Variants in HDAC9 observed in about 807,000 individuals in gnomAD.
HDAC9 encodes MEF-2 interacting transcription repressor (MITR) protein.
Under a neutral mutation model 139.4 loss-of-function variants are expected in HDAC9, and 41 were observed. The ratio of observed to expected loss-of-function variants is 0.29; its 90% CI spans 0.23 to 0.38. HDAC9 has a LOEUF of 0.38. Ranked by LOEUF, HDAC9 falls within the 10% of genes least tolerant of loss-of-function variation. The probability of loss-of-function intolerance (pLI) is 1.00; values close to 1 mark genes in which losing one functional copy is unlikely to be tolerated. For synonymous variants in HDAC9, 517 were observed against 476.2 expected, an observed-to-expected ratio of 1.09 and a Z score of -1.12; for missense variants, 1,147 against 1,297.0, an observed-to-expected ratio of 0.88 and a Z score of 1.78.
intron 2 of HDAC9, among the ~76,000 whole-genome samples, chr7:18,252,105 G>C (rs1222250646): frequency 6.6e-6 from 1 of 152,210 alleles, no homozygotes; most frequent in African/African-American, 2.4e-5. Flanking sequence ...AATAAATTAA[G>C]TAGAAGATGA....
chr7:18,310,290 C>T lies in HDAC9; in HGVS notation c.-42+19775C>T, dbSNP rs143647818. ...TTTTATGTTGGGCTCTGTGACTACA[C>T]GGTTTTGAAAAACACTGGGATAGAT... is the stretch of plus-strand genomic sequence containing the variant. On this transcript the variant is annotated intron_variant, in intron 1 of 3. Transcript: ENST00000413509. Among the ~76,000 whole-genome samples the T allele has an allele frequency of 8.5e-4, 129 of 152,230 alleles. 2 individuals carry two copies. The Middle Eastern group carries it at 0.01, about 12-fold the overall frequency.
chr7:18,148,242 G>A (rs1786495912), intron 1 of HDAC9, among the ~76,000 whole-genome samples: 1 of 152,096 alleles, frequency 6.6e-6, no homozygotes, highest in South Asian at 2.1e-4. Flanking sequence ...CTACACTCAC[G>A]GTATCCGCAG....
chr7:18,514,898 G>C (rs1802682388), intron 2 of HDAC9, among the ~76,000 whole-genome samples: 1 of 152,176 alleles, frequency 6.6e-6, no homozygotes, highest in Admixed American at 6.5e-5. Context: ...AGTGAGCTAT[G>C]ATCATGCCGC....
At chr7:18,575,601 A>G (rs117549009) in intron 2 of HDAC9, among the ~76,000 whole-genome samples, 175 of 152,380 alleles carry the variant, frequency 1.1e-3, no homozygotes, top group Admixed American at 2.1e-3. Flanking sequence ...ATGCAAAATG[A>G]CACCTTGGGT....
chr7:18,925,494 A>G (rs1585324259), intron 22 of HDAC9, among the ~76,000 whole-genome samples: 1 of 152,240 alleles, frequency 6.6e-6, no homozygotes, highest in East Asian at 1.9e-4. Flanking sequence ...CCTTGGTCAC[A>G]TAGTAGCTTC....
intron 1 of HDAC9, among the ~76,000 whole-genome samples, chr7:18,365,550 C>G (rs1784114195): frequency 6.6e-6 from 1 of 151,894 alleles, no homozygotes; most frequent in Non-Finnish European, 1.5e-5. Context: ...TCCAATAATC[C>G]TTAGCCTAGG....
At chr7:18,202,779 A>T (rs1490406706) in intron 2 of HDAC9, among the ~76,000 whole-genome samples, 1 of 152,146 alleles carries the variant, frequency 6.6e-6, no homozygotes. Flanking sequence ...GTGGAACCTG[A>T]GAGAGGTCAT....
chr7:18,459,939 A>G (rs1242946335), intron 1 of HDAC9, among the ~76,000 whole-genome samples: 5 of 139,984 alleles, frequency 3.6e-5, no homozygotes, highest in African/African-American at 1.3e-4. Flanking sequence ...TAGCCTACAG[A>G]TTTGCTTTTT....
At chr7:18,123,602 A>G (rs80027295) in intron 1 of HDAC9, among the ~76,000 whole-genome samples, 2,125 of 152,238 alleles carry the variant, frequency 0.014, 43 homozygotes, top group African/African-American at 0.048. Context: ...AGAACTGGGC[A>G]TTTTAAAGTC....
intron 22 of HDAC9, among the ~76,000 whole-genome samples, chr7:18,878,224 G>A (rs554405285): frequency 4.6e-5 from 7 of 151,770 alleles, no homozygotes; most frequent in South Asian, 2.1e-4. Flanking sequence ...GTTTAAATTC[G>A]TTTTGCCACA....
chr7:18,605,351 T>C (rs78873963), intron 6 of HDAC9, among the ~76,000 whole-genome samples: 1 of 152,152 alleles, frequency 6.6e-6, no homozygotes, highest in Admixed American at 6.5e-5. Flanking sequence ...CTTCTTAGCC[T>C]GTTTCCTCCC....
At chr7:18,809,943 C>T (rs917992803) in intron 17 of HDAC9, among the ~76,000 whole-genome samples, 7 of 151,894 alleles carry the variant, frequency 4.6e-5, no homozygotes, top group African/African-American at 1.7e-4. Context: ...GCATTACTCA[C>T]AATAGGCAAG....
At chr7:18,441,577 A>T (rs1173228874) in intron 1 of HDAC9, among the ~76,000 whole-genome samples, 1 of 152,220 alleles carries the variant, frequency 6.6e-6, no homozygotes, top group Non-Finnish European at 1.5e-5. Flanking sequence ...CATAATATAG[A>T]TTGCAAATTG....
intron 12 of HDAC9, among the ~76,000 whole-genome samples, chr7:18,669,480 G>T (rs949207153): frequency 2.0e-5 from 3 of 151,816 alleles, no homozygotes; most frequent in African/African-American, 7.2e-5. Flanking sequence ...CATCAGTATT[G>T]CATTAGAGTA....
chr7:18,290,382 T>G (rs1219207175), upstream of HDAC9: 2 of 441,958 alleles, frequency 4.5e-6, no homozygotes, highest in Non-Finnish European at 9.0e-6. Context: ...CTGATAAAAT[T>G]AGCAAGTTGA....
chr7:18,943,012 CA>C (rs1782125493), intron 23 of HDAC9, among the ~76,000 whole-genome samples: 1 of 151,330 alleles, frequency 6.6e-6, no homozygotes, highest in Non-Finnish European at 1.5e-5. Context: ...ATTAAAAAAG[CA>C]AATAAAGAGA....
At chr7:18,252,305 G>T (rs957917633) in intron 2 of HDAC9, among the ~76,000 whole-genome samples, 1 of 152,196 alleles carries the variant, frequency 6.6e-6, no homozygotes, top group Non-Finnish European at 1.5e-5. Flanking sequence ...CAGGCAGATT[G>T]TCTGAAAGCA....
At chr7:18,104,263 A>T (rs1783053473) in intron 1 of HDAC9, among the ~76,000 whole-genome samples, 1 of 151,816 alleles carries the variant, frequency 6.6e-6, no homozygotes. Context: ...TTTTGTTTAT[A>T]AGACACATTA....
intron 22 of HDAC9, among the ~76,000 whole-genome samples, chr7:18,895,196 C>G (rs369416773): frequency 9.2e-5 from 14 of 152,170 alleles, no homozygotes; most frequent in Admixed American, 4.6e-4. Flanking sequence ...ATAACAATAC[C>G]ATTTCACCAG....
Sources: gnomAD v4.1 joint callset for allele counts (sites outside exome capture counted in the v4.1 genomes callset) on GRCh38, gnomAD v4.1.1 for gene constraint, MANE v1.5 for transcripts, NCBI Gene and HGNC (gene_info 2026-07-23, HGNC 2026-07-21) for gene names.